The following ATP6V1D variants were observed in gnomAD, a reference collection of about 807,000 sequenced individuals.
The protein encoded by ATP6V1D is V-type proton ATPase subunit D.
ATP6V1D carries 20 observed loss-of-function variants against 39.4 expected under a neutral mutation model. That is an observed-to-expected ratio of 0.51 (90% CI 0.36 to 0.74). The LOEUF is 0.74. Ranked by LOEUF, ATP6V1D falls within the 30% of genes least tolerant of loss-of-function variation. ATP6V1D has a pLI of 0.00. For missense variants in ATP6V1D, 228 were observed against 291.6 expected (o/e 0.78, Z 1.59); for synonymous variants, 100 against 100.5 (o/e 0.99, Z 0.03).
chr14:67,351,376 A>C (rs930428784), intron 2 of ATP6V1D, among the ~76,000 whole-genome samples: 1 of 152,244 alleles, frequency 6.6e-6, no homozygotes, highest in Non-Finnish European at 1.5e-5. Flanking sequence ...AAAAACTGTA[A>C]AGCAACAAAA....
chr14:67,343,327 G>A (rs1489727784), intron 7 of ATP6V1D, 45 bp downstream of exon 7: 1 of 1,436,106 alleles, frequency 7.0e-7, no homozygotes, highest in Non-Finnish European at 9.7e-7. Flanking sequence ...GACAAGTGGA[G>A]GGTATGGACA....
intron 2 of ATP6V1D, 58 bp downstream of exon 2, chr14:67,352,865 C>T: frequency 8.8e-7 from 1 of 1,134,860 alleles, no homozygotes; most frequent in Non-Finnish European, 1.3e-6. Context: ...AAAAAAATGC[C>T]AAGGGCCATG....
intron 7 of ATP6V1D, among the ~76,000 whole-genome samples, chr14:67,341,928 G>C (rs1373805807): frequency 6.6e-6 from 1 of 151,884 alleles, no homozygotes; most frequent in Non-Finnish European, 1.5e-5. Flanking sequence ...GTCCACTCAG[G>C]GTTAAATGGA....
Position 67,359,716 on chromosome 14 carries a change from G to A in ATP6V1D, c.-18C>T. The A allele has an allele frequency of 4.3e-6, 7 of 1,613,522 alleles. No individual in the cohort carries two copies. The highest frequency in any genetic ancestry group is 5.9e-6 in the Non-Finnish European group (7 of 1,179,906). ...CCCGACATTCTGACGATAACTTTTC[G>A]GCTCGGGTCCCCGGCCGGGCAACCG... On this transcript the variant is annotated 5_prime_UTR_variant, in exon 1 of 9. Coordinates refer to ENST00000216442, the MANE Select transcript of ATP6V1D (RefSeq NM_015994.4).
chr14:67,353,091 CA>C (rs764602901), intron 1 of ATP6V1D, 51 bp from the exon 2 acceptor site: 92 of 1,371,088 alleles, frequency 6.7e-5, no homozygotes, highest in South Asian at 1.4e-4. Context: ...GTTTAAAAGA[CA>C]AAAAAAACCC....
At position 67,337,953 on chromosome 14, in the gene ATP6V1D, A is replaced by C. The variant is rs991285078; in HGVS notation, c.*668T>G. On this transcript the variant is annotated 3_prime_UTR_variant, in exon 9 of 9. Coordinates refer to ENST00000216442, the MANE Select transcript of ATP6V1D (RefSeq NM_015994.4). ...AAGCCTTTTTGTAAAACTCTAATACATGGAGTGGGAAAAATAGCTACCCAC... is the reference window on the plus strand; with the variant it reads ...AAGCCTTTTTGTAAAACTCTAATACCTGGAGTGGGAAAAATAGCTACCCAC... 7 of 152,220 alleles carry C rather than the reference A, an allele frequency of 4.6e-5. No homozygotes were observed. Among genetic ancestry groups the C allele is most frequent in the African/African-American group, 1.7e-4 (7 of 41,464 alleles). The allele number at this position is 152,220 out of a possible 1,614,324, so 9.4% of individuals were successfully genotyped here.
At chr14:67,342,069 C>G (rs1290555198) in intron 7 of ATP6V1D, among the ~76,000 whole-genome samples, 1 of 151,982 alleles carries the variant, frequency 6.6e-6, no homozygotes, top group African/African-American at 2.4e-5. Context: ...GGGTCCTCTG[C>G]CTAGGAAAAC....
chr14:67,340,737 T>G (rs113494736), intron 7 of ATP6V1D, among the ~76,000 whole-genome samples: 23,397 of 151,984 alleles, frequency 0.15, 3,394 homozygotes, highest in East Asian at 0.42. Context: ...GAAGCTGGAC[T>G]GTACTGCTGC....
intron 1 of ATP6V1D, among the ~76,000 whole-genome samples, chr14:67,358,102 G>A (rs1191022371): frequency 6.6e-6 from 1 of 151,958 alleles, no homozygotes; most frequent in African/African-American, 2.4e-5. Context: ...AATGGCGGGG[G>A]CGGCGGGGGG....
chr14:67,338,860 C>T (rs1482862783), intron 8 of ATP6V1D, 98 bp from the exon 9 acceptor site: 5 of 1,057,798 alleles, frequency 4.7e-6, no homozygotes, highest in Non-Finnish European at 6.5e-6. Flanking sequence ...TAAACACATA[C>T]CTAGAAAAAA....
At chr14:67,357,310 C>A (rs112761242) in intron 1 of ATP6V1D, among the ~76,000 whole-genome samples, 118 of 152,346 alleles carry the variant, frequency 7.7e-4, no homozygotes, top group Non-Finnish European at 1.4e-3. Flanking sequence ...CAGAGCTGCT[C>A]AGTCCTACTC....
rs2085715184 is a variant in ATP6V1D at position 67,359,673 on chromosome 14, A to T, written c.26T>A (p.Ile9Asn). The T allele has an allele frequency of 1.9e-6, 3 of 1,613,900 alleles. No individual in the cohort carries two copies. The highest frequency in any genetic ancestry group is 2.5e-6 in the Non-Finnish European group (3 of 1,180,020). Residue 9 changes from isoleucine (I) to asparagine (N), a missense_variant, in exon 1 of 9, where the codon ATC (isoleucine) becomes AAC (asparagine). Transcript: ENST00000216442. MSGKDRIE[I>N]FPSRMAQTIM... ...CTTTACTTACATTCGCGAGGGAAAG[A>T]TTTCAATTCGGTCTTTGCCCGACAT... is the stretch of plus-strand genomic sequence containing the variant.
chr14:67,359,437 C>CT (rs912999272), intron 1 of ATP6V1D, among the ~76,000 whole-genome samples: 8 of 152,212 alleles, frequency 5.3e-5, no homozygotes, highest in Non-Finnish European at 8.8e-5. Context: ...GGCCGGGCGC[C>CT]TTTTCCTACC....
At chr14:67,353,180 G>A (rs1441762649) in intron 1 of ATP6V1D, 140 bp from the exon 2 acceptor site, 2 of 630,422 alleles carry the variant, frequency 3.2e-6, no homozygotes, top group Non-Finnish European at 2.7e-6. Flanking sequence ...GTAGCTGACA[G>A]GTTTAACTGA....
intron 2 of ATP6V1D, among the ~76,000 whole-genome samples, chr14:67,352,036 G>A (rs576922675): frequency 4.6e-5 from 7 of 152,062 alleles, no homozygotes; most frequent in Admixed American, 3.3e-4. Context: ...TGTAATCCCA[G>A]TGCTTTGGAA....
chr14:67,347,569 T>C, intron 4 of ATP6V1D, 116 bp from the exon 5 acceptor site: 1 of 835,196 alleles, frequency 1.2e-6, no homozygotes, highest in East Asian at 2.7e-5. Context: ...TGGCGTGATC[T>C]CGCCTCACCG....
chr14:67,357,933 A>C (rs1049868253), intron 1 of ATP6V1D, among the ~76,000 whole-genome samples: 2 of 152,232 alleles, frequency 1.3e-5, no homozygotes, highest in African/African-American at 4.8e-5. Context: ...AAGATACTTG[A>C]AGGGACACTT....
At position 67,349,057 on chromosome 14, in the gene ATP6V1D, G is replaced by C; in HGVS notation, c.287C>G (p.Ala96Gly). ...GTTACCTGCTACATTATCTTTCTTC[G>C]CTCGAATCTTCACTTGCGCTTTATT... Reference protein sequence around the residue: ...NVNKAQVKIRAKKDNVAGVTL... With the variant: ...NVNKAQVKIRGKKDNVAGVTL... Residue 96 changes from alanine (A) to glycine (G), a missense_variant, in exon 4 of 9, where the codon GCG (alanine) becomes GGG (glycine). Physicochemically the swap from Ala to Gly is moderately conservative, Grantham distance 60. Around this residue, in one of 3 missense-constraint regions of ATP6V1D, gnomAD observed 104 missense variants for 120.2 expected, o/e 0.87. Coordinates refer to ENST00000216442, the MANE Select transcript of ATP6V1D (RefSeq NM_015994.4). 6.2e-7 allele frequency: 1 copy of C among 1,613,896 alleles called. No homozygotes were observed. The highest frequency in any genetic ancestry group is 8.5e-7 in the Non-Finnish European group (1 of 1,179,902).
intron 6 of ATP6V1D, among the ~76,000 whole-genome samples, chr14:67,344,532 T>TTATTTA (rs1381136928): frequency 6.6e-6 from 1 of 152,206 alleles, no homozygotes; most frequent in Non-Finnish European, 1.5e-5. Flanking sequence ...CAAACGATGT[T>TTATTTA]TATTTACATT....
Sources: allele counts gnomAD v4.1 joint callset (sites outside exome capture counted in the v4.1 genomes callset), GRCh38; gene constraint gnomAD v4.1.1; regional missense constraint gnomAD v4.1.1; transcripts MANE v1.5; gene names NCBI Gene and HGNC (gene_info 2026-07-23, HGNC 2026-07-21).